The following CARD10 variants were observed in gnomAD, a reference collection of about 807,000 sequenced individuals.
CARD10 encodes caspase recruitment domain-containing protein 10.
Under a neutral mutation model 114.6 loss-of-function variants are expected in CARD10, and 49 were observed. That is an observed-to-expected ratio of 0.43 (90% confidence interval 0.34 to 0.54). The LOEUF (loss-of-function observed/expected upper bound fraction) is 0.54. Among genes scored for constraint, CARD10 ranks in the 20% least tolerant of loss-of-function variants. The pLI, the probability that CARD10 is intolerant of heterozygous loss-of-function variation, is 0.03. For missense variants in CARD10, 1,206 were observed against 1,397.2 expected, an observed-to-expected ratio of 0.86 and a Z score of 2.18; for synonymous variants, 602 against 593.2, an observed-to-expected ratio of 1.01 and a Z score of -0.21.
intron 7 of CARD10, among the ~76,000 whole-genome samples, chr22:37,505,053 G>A (rs1420700795): frequency 6.6e-6 from 1 of 152,214 alleles, no homozygotes; most frequent in African/African-American, 2.4e-5. Flanking sequence ...GGTTTGAACT[G>A]AGAACTCAAG....
At position 37,491,243 on chromosome 22, in the gene CARD10, G is replaced by T. The variant is rs371564400; in HGVS notation, c.3015C>A (p.Arg1005=). 12 of 1,566,298 alleles carry T rather than the reference G, an allele frequency of 7.7e-6. No homozygotes were observed. The highest frequency in any genetic ancestry group is 2.3e-5 in the East Asian group (1 of 42,750). The change falls in exon 20 of 20, where the codon CGC becomes CGA. Residue 1005 remains arginine (R), a synonymous_variant. Coordinates refer to ENST00000251973, the MANE Select transcript of CARD10 (RefSeq NM_014550.4). ...GGGCCTGCTCCTGCAGGATGCGGCCGCGCACCACCTTGGCCAGCTCCTCTG... is the reference window on the plus strand; with the variant it reads ...GGGCCTGCTCCTGCAGGATGCGGCCTCGCACCACCTTGGCCAGCTCCTCTG... ...GHAEELAKVV[R]GRILQEQARL...
intron 6 of CARD10, among the ~76,000 whole-genome samples, 200 bp downstream of exon 6, chr22:37,507,629 T>G (rs1284603887): frequency 6.6e-6 from 1 of 152,218 alleles, no homozygotes; most frequent in Non-Finnish European, 1.5e-5. Flanking sequence ...ATGAGGCCAG[T>G]GGGTCCAGGG....
chr22:37,491,033 A>G lies in CARD10; in HGVS notation c.*126T>C, dbSNP rs1367089795. 1.3e-6 allele frequency: 1 copy of G among 769,224 alleles called. No homozygotes were observed. The highest frequency in any genetic ancestry group is 2.7e-5 in the East Asian group (1 of 36,364). 47.6% of individuals were successfully genotyped at this position (769,224 alleles called of 1,614,324 possible). A position where few individuals can be genotyped will look rare whatever the true frequency, so the allele number is the denominator to read the frequency against. On this transcript the variant is annotated 3_prime_UTR_variant, in exon 20 of 20. Transcript: ENST00000251973. Reference sequence around the variant, plus strand: ...GAGACAGCCTTGGGGGTGAGAGGCCAGAGCCAAGGGCCCTGCATCTGAGAG... The same window carrying G: ...GAGACAGCCTTGGGGGTGAGAGGCCGGAGCCAAGGGCCCTGCATCTGAGAG...
In CARD10 at chr22:37,506,195, G is replaced by C; in HGVS notation, c.1380C>G (p.Leu460=). 1 of 1,554,102 alleles carries C rather than the reference G, an allele frequency of 6.4e-7. No homozygotes were observed. The highest frequency in any genetic ancestry group is 8.7e-7 in the Non-Finnish European group (1 of 1,146,434). ...TCCACAATCTTGACCCGCTCACCTT[G>C]AGGCAGGTGCCACCCTGGGCCCGCT... ...QLQRAQGGTC[L]KACASSHSLC... is the part of the protein sequence containing the mutation. Residue 460 remains leucine, a synonymous_variant, in exon 7 of 20, where the codon CTC becomes CTG. Transcript: ENST00000251973.
chr22:37,503,140 C>T, intron 10 of CARD10, 45 bp downstream of exon 10: 1 of 1,600,220 alleles, frequency 6.2e-7, no homozygotes, highest in East Asian at 2.3e-5. Context: ...AAAGCCACCT[C>T]CCCCGACCAG....
In CARD10 at chr22:37,508,688, G is replaced by C; in HGVS notation, c.910-6C>G. On this transcript the variant is annotated splice_region_variant and splice_polypyrimidine_tract_variant and intron_variant, in intron 4 of 19. Coordinates refer to ENST00000251973, the MANE Select transcript of CARD10 (RefSeq NM_014550.4). ...GCCCCCGGCCGGCTCGCCTCCTGGGGATCACAGGGCAGGGCCACCTCAGGG... is the reference window on the plus strand; with the variant it reads ...GCCCCCGGCCGGCTCGCCTCCTGGGCATCACAGGGCAGGGCCACCTCAGGG... 1 of 1,550,596 alleles carries C rather than the reference G, an allele frequency of 6.4e-7. No homozygotes were observed. The highest frequency in any genetic ancestry group is 1.4e-5 in the African/African-American group (1 of 73,762).
rs1489612163 is a variant in CARD10 at position 37,494,144 on chromosome 22, C to T, written c.2418G>A (p.Lys806=). Residue 806 remains lysine (K), a synonymous_variant, in exon 16 of 20, where the codon AAG becomes AAA. Transcript: ENST00000251973. ...AGTCCCCTGCAGGCGCCCCCACGGG[C>T]TTGGGCCTCACCAGCCGCAGCTGGT... ...ALDQLRLVRP[K]PVGAPAGDSP... 3 of 1,559,210 alleles carry T rather than the reference C, an allele frequency of 1.9e-6. No individual in the cohort carries two copies. The highest frequency in any genetic ancestry group is 1.2e-5 in the South Asian group (1 of 84,620).
At chr22:37,504,458 C>G (rs59042255) in intron 8 of CARD10, among the ~76,000 whole-genome samples, 157 bp from the exon 9 acceptor site, 7,545 of 152,278 alleles carry the variant, frequency 0.05, 457 homozygotes, top group African/African-American at 0.14. Context: ...CTCCCCACGC[C>G]TCCTGGCACC....
chr22:37,502,915 A>T (rs943196676), intron 10 of CARD10, among the ~76,000 whole-genome samples, 190 bp from the exon 11 acceptor site: 1 of 152,180 alleles, frequency 6.6e-6, no homozygotes, highest in Non-Finnish European at 1.5e-5. Flanking sequence ...TTCCCAGAAG[A>T]GGGTGAAAGG....
intron 2 of CARD10, 114 bp downstream of exon 2, chr22:37,517,857 T>C: frequency 7.3e-7 from 1 of 1,361,978 alleles, no homozygotes. Context: ...TCTCCATGCC[T>C]CAGTTTCCCT....
intron 4 of CARD10, among the ~76,000 whole-genome samples, 149 bp downstream of exon 4, chr22:37,510,058 GCTACC>G (rs1923576084): frequency 1.0e-5 from 1 of 99,290 alleles, no homozygotes; most frequent in Admixed American, 1.1e-4. Flanking sequence ...CCTGAGCCCC[GCTACC>G]CAGCCTGTGC....
chr22:37,512,520 C>G (rs1315873935), intron 3 of CARD10, among the ~76,000 whole-genome samples: 1 of 146,726 alleles, frequency 6.8e-6, no homozygotes, highest in African/African-American at 2.6e-5. Flanking sequence ...CACACACACA[C>G]GGGTCTGGAG....
rs757570334 is a variant in CARD10 at position 37,492,854 on chromosome 22, C to G, written c.2477-52G>C. On this transcript the variant is annotated intron_variant, in intron 16 of 19. Transcript: ENST00000251973. This position sits in a 1 kb window ranked among gnomAD's most constrained non-coding sequence, Gnocchi z 5.7. Reference sequence around the variant, plus strand: ...GATAAGGGCACAGGCAGGCAGCATACCAGCTCGTCGATACCCCAAAACCCA... The same window carrying G: ...GATAAGGGCACAGGCAGGCAGCATAGCAGCTCGTCGATACCCCAAAACCCA... 2.5e-6 allele frequency: 4 copies of G among 1,575,758 alleles called. No individual in the cohort carries two copies. The highest frequency in any genetic ancestry group is 3.4e-6 in the Non-Finnish European group (4 of 1,165,026).
chr22:37,510,732 G>A (rs531568567), intron 3 of CARD10, among the ~76,000 whole-genome samples: 115 of 152,296 alleles, frequency 7.6e-4, no homozygotes, highest in Middle Eastern at 6.8e-3. Context: ...ACTGACTCCC[G>A]TCAATTTAGC....
chr22:37,496,101 G>A lies in CARD10; in HGVS notation c.2060-98C>T, dbSNP rs1471898591. ...GGGGCCAAAGACATGGCCCTCTCGA[G>A]GCCTGAGTTCCCAGGACCCGACCTT... On this transcript the variant is annotated intron_variant, in intron 13 of 19. Transcript: ENST00000251973. The surrounding 1 kb of genome is among the most constrained non-coding windows in gnomAD (Gnocchi z 4.1). 2.0e-6 allele frequency: 3 copies of A among 1,482,472 alleles called. No homozygotes were observed. The highest frequency in any genetic ancestry group is 2.7e-6 in the Non-Finnish European group (3 of 1,097,760). The allele number at this position is 1,482,472 out of a possible 1,614,324, so 91.8% of individuals were successfully genotyped here. A position where few individuals can be genotyped will look rare whatever the true frequency, so the allele number is the denominator to read the frequency against.
chr22:37,518,649 G>C (rs946739604), intron 1 of CARD10, among the ~76,000 whole-genome samples: 1 of 152,196 alleles, frequency 6.6e-6, no homozygotes, highest in Non-Finnish European at 1.5e-5. Context: ...CAAGTCCACC[G>C]GCTGTGACCG....
At chr22:37,517,876 A>G in intron 2 of CARD10, 95 bp downstream of exon 2, 1 of 1,464,648 alleles carries the variant, frequency 6.8e-7, no homozygotes, top group Non-Finnish European at 9.2e-7. Flanking sequence ...CTTACTGTTC[A>G]ACAGGCATAG....
intron 7 of CARD10, among the ~76,000 whole-genome samples, chr22:37,505,448 T>A (rs915555520): frequency 6.6e-6 from 1 of 151,838 alleles, no homozygotes; most frequent in East Asian, 1.9e-4. Flanking sequence ...GGCAGGAGGA[T>A]CCCTTGAGGT....
chr22:37,495,853 G>A lies in CARD10; in HGVS notation c.2210C>T (p.Ser737Leu), dbSNP rs779637246. The change falls in exon 14 of 20, where the codon TCG (serine) becomes TTG (leucine). Residue 737 changes from serine to leucine, a missense_variant. Transcript: ENST00000251973. ...KAQEILRLVD[S>L]AYKRRQEWFC... ...CCATTCCTGCCTCCGCTTGTATGCC[G>A]AGTCCACCAGTCGAAGGATCTCTTG... 1.1e-5 allele frequency: 18 copies of A among 1,614,036 alleles called. No individual in the cohort carries two copies. Among genetic ancestry groups the A allele is most frequent in the Admixed American group, 1.7e-5 (1 of 60,010 alleles).
Sources: allele counts gnomAD v4.1 joint callset (sites outside exome capture counted in the v4.1 genomes callset), GRCh38; gene constraint gnomAD v4.1.1; non-coding constraint Gnocchi (gnomAD v3.1); transcripts MANE v1.5; gene names NCBI Gene and HGNC (gene_info 2026-07-23, HGNC 2026-07-21).